Variants in FMN1 observed in about 807,000 individuals in gnomAD.
FMN1 encodes the protein formin-1.
A neutral mutation model predicts 132.4 loss-of-function variants in FMN1; 110 were observed. The observed-to-expected ratio is 0.83, with a 90% CI of 0.71 to 0.97. The LOEUF is 0.97. Among genes scored for constraint, FMN1 ranks in the 50% least tolerant of loss-of-function variants. The pLI, the probability that FMN1 is intolerant of heterozygous loss-of-function variation, is 0.00. For missense variants in FMN1, 1,792 were observed against 1,705.3 expected (o/e 1.05, Z -0.90); for synonymous variants, 722 against 651.7 (o/e 1.11, Z -1.64).
At chr15:33,107,816 C>T (rs978566205) in intron 4 of FMN1, among the ~76,000 whole-genome samples, 1 of 152,062 alleles carries the variant, frequency 6.6e-6, no homozygotes, top group Non-Finnish European at 1.5e-5. Flanking sequence ...ATCTGGTTTT[C>T]TTCTGTATAT....
At chr15:32,790,139 A>C (rs1225746076) in intron 19 of FMN1, among the ~76,000 whole-genome samples, 2 of 152,232 alleles carry the variant, frequency 1.3e-5, no homozygotes, top group African/African-American at 4.8e-5. Flanking sequence ...TCAAAGGAGG[A>C]AGCACAGAAA....
At chr15:32,993,155 T>C (rs2033545146) in intron 7 of FMN1, among the ~76,000 whole-genome samples, 2 of 152,186 alleles carry the variant, frequency 1.3e-5, no homozygotes, top group South Asian at 4.1e-4. Flanking sequence ...ATACGATTCA[T>C]TCAGAGAAAT....
At chr15:32,793,572 C>T (rs922571213) in intron 19 of FMN1, among the ~76,000 whole-genome samples, 19 of 152,184 alleles carry the variant, frequency 1.2e-4, no homozygotes, top group Non-Finnish European at 1.9e-4. Context: ...TGAGCCACTA[C>T]GCCCGGCTGT....
At chr15:32,887,925 A>C (rs1198893543) in intron 16 of FMN1, among the ~76,000 whole-genome samples, 1 of 152,218 alleles carries the variant, frequency 6.6e-6, no homozygotes, top group Non-Finnish European at 1.5e-5. Context: ...ACTAAATGTT[A>C]GAAAATGTAG....
In FMN1 at chr15:32,777,995, TTATTATA is replaced by T. The variant is rs375298557; in HGVS notation, c.4131-1083_4131-1077del. On this transcript the variant is annotated intron_variant, in intron 19 of 20. Transcript: ENST00000616417. ...ATATTATGTATAATATATAATACAT[TTATTATA>T]TATTATGTATAATATATAATACATT... Among the ~76,000 whole-genome samples the T allele has an allele frequency of 4.2e-3, 3 of 714 alleles. 1 individual carries two copies. The Non-Finnish European group carries it at 0.045, about 11-fold the overall frequency. The allele number at this position is 714 out of a possible 152,430, so 0.5% of individuals were successfully genotyped here. A position where few individuals can be genotyped will look rare whatever the true frequency, so the allele number is the denominator to read the frequency against.
intron 16 of FMN1, among the ~76,000 whole-genome samples, chr15:32,872,496 T>C (rs1461941455): frequency 6.6e-6 from 1 of 152,260 alleles, no homozygotes; most frequent in East Asian, 1.9e-4. Context: ...AATGCTTAAA[T>C]ACTAAATATG....
chr15:32,833,452 A>C (rs1314321043), intron 17 of FMN1, among the ~76,000 whole-genome samples: 3 of 152,190 alleles, frequency 2.0e-5, no homozygotes, highest in Non-Finnish European at 4.4e-5. Context: ...GCATCCAAGC[A>C]CAGAGGAAGT....
rs187942758 is a variant in FMN1, at chr15:33,090,957, T to A, written c.1868-1983A>T. On this transcript the variant is annotated intron_variant, in intron 4 of 20. Coordinates refer to ENST00000616417, the MANE Select transcript of FMN1 (RefSeq NM_001277313.2). Reference sequence around the variant, plus strand: ...CTATTCACCTTTGGCATAAATTTTTTAAAATTTACAGTATACTCTCACTGT... The same window carrying A: ...CTATTCACCTTTGGCATAAATTTTTAAAAATTTACAGTATACTCTCACTGT... Among the ~76,000 whole-genome samples the A allele has an allele frequency of 2.0e-5, 3 of 152,302 alleles. No homozygotes were observed. The East Asian group carries it at 5.8e-4, about 29-fold the overall frequency.
intron 4 of FMN1, among the ~76,000 whole-genome samples, chr15:33,125,299 A>AT (rs1962947599): frequency 6.6e-6 from 1 of 152,238 alleles, no homozygotes; most frequent in African/African-American, 2.4e-5. Context: ...AAAGCTTCTG[A>AT]TGCATAGTAA....
chr15:33,135,029 TTTTGAG>T (rs1393950582), intron 4 of FMN1, among the ~76,000 whole-genome samples: 3 of 152,120 alleles, frequency 2.0e-5, no homozygotes. Context: ...TAGGAAAACA[TTTTGAG>T]TTACAATGTT....
At chr15:32,993,826 G>C (rs969078736) in intron 7 of FMN1, among the ~76,000 whole-genome samples, 2 of 149,644 alleles carry the variant, frequency 1.3e-5, no homozygotes, top group African/African-American at 4.9e-5. Flanking sequence ...TCTCTGACTT[G>C]GACAGCTGCA....
intron 6 of FMN1, among the ~76,000 whole-genome samples, chr15:33,034,201 G>C (rs541742946): frequency 6.6e-6 from 1 of 152,092 alleles, no homozygotes; most frequent in Admixed American, 6.5e-5. Context: ...GACATCTCAA[G>C]TTTAACATAT....
intron 7 of FMN1, among the ~76,000 whole-genome samples, chr15:32,986,518 T>C (rs780411879): frequency 7.2e-5 from 11 of 152,102 alleles, no homozygotes; most frequent in East Asian, 1.9e-4. Context: ...TTAAGAAAAA[T>C]GTAAATCTCC....
rs1213512880 is a variant in FMN1 at position 32,768,825 on chromosome 15, AAAAT to A, written c.*5481_*5484del. The A allele has an allele frequency of 7.2e-5, 11 of 152,232 alleles. No individual in the cohort carries two copies. The highest frequency in any genetic ancestry group is 1.5e-4 in the Non-Finnish European group (10 of 68,042). The allele number at this position is 152,232 out of a possible 1,614,324, so 9.4% of individuals were successfully genotyped here. A position where few individuals can be genotyped will look rare whatever the true frequency, so the allele number is the denominator to read the frequency against. ...TACATAAGCGTAGAGGGAATGTAGA[AAAAT>A]AAATTGATGGCTATATCTAACACCT... On this transcript the variant is annotated 3_prime_UTR_variant, in exon 21 of 21. Transcript: ENST00000616417.
intron 10 of FMN1, among the ~76,000 whole-genome samples, chr15:32,923,305 A>T (rs755328459): frequency 1.3e-5 from 2 of 152,220 alleles, no homozygotes; most frequent in African/African-American, 2.4e-5. Context: ...GGGTGACAAC[A>T]CAAGGCCAAG....
chr15:33,179,357 A>G (rs910650598), intron 3 of FMN1, among the ~76,000 whole-genome samples: 4 of 152,244 alleles, frequency 2.6e-5, no homozygotes, highest in African/African-American at 9.6e-5. Context: ...TAGAAAAATG[A>G]AAGGTATGAT....
chr15:33,115,707 C>G (rs1003143526), intron 4 of FMN1, among the ~76,000 whole-genome samples: 2 of 152,124 alleles, frequency 1.3e-5, no homozygotes, highest in Admixed American at 1.3e-4. Flanking sequence ...TTCTTCCTCA[C>G]CCTTCCTGCC....
Position 32,949,986 on chromosome 15 carries a change from C to CACATAT in FMN1, c.3138+14120_3138+14121insATATGT, listed in dbSNP as rs1567449079. 4.8e-4 allele frequency among the ~76,000 whole-genome samples: 4 copies of CACATAT among 8,272 alleles called. 1 individual carries two copies. The South Asian group carries it at 0.014, about 30-fold the overall frequency. The allele number at this position is 8,272 out of a possible 152,430, so 5.4% of individuals were successfully genotyped here. ...ATATACACACATATATATACACACACATATATATACACATACACATATATA... is the reference window on the plus strand; with the variant it reads ...ATATACACACATATATATACACACACACATATATATATATACACATACACATATATA... On this transcript the variant is annotated intron_variant, in intron 9 of 20. Transcript: ENST00000616417.
chr15:32,818,433 A>G (rs1449926713), intron 17 of FMN1, among the ~76,000 whole-genome samples: 1 of 152,196 alleles, frequency 6.6e-6, no homozygotes, highest in African/African-American at 2.4e-5. Context: ...CTTGTAGGAA[A>G]GAAGTGTTTA....
Sources: gnomAD v4.1 joint callset for allele counts (sites outside exome capture counted in the v4.1 genomes callset) on GRCh38, gnomAD v4.1.1 for gene constraint, MANE v1.5 for transcripts, NCBI Gene and HGNC (gene_info 2026-07-23, HGNC 2026-07-21) for gene names.